Variants in DYNC2H1 observed in about 807,000 individuals in gnomAD.
DYNC2H1 encodes cytoplasmic dynein 2 heavy chain 1.
In DYNC2H1, 410 loss-of-function variants were observed where a neutral mutation model predicts 570.0. The ratio of observed to expected loss-of-function variants is 0.72; its 90% CI spans 0.66 to 0.78. The LOEUF is 0.78. DYNC2H1 is among the 30% of genes least tolerant of loss of function. The pLI, the probability that DYNC2H1 is intolerant of heterozygous loss-of-function variation, is 0.00. For missense variants in DYNC2H1, 4,865 were observed against 5,046.4 expected (o/e 0.96, Z 1.09); for synonymous variants, 1,688 against 1,677.6 (o/e 1.01, Z -0.15).
In DYNC2H1 at chr11:103,125,205, C is replaced by G. The variant is rs995997731; in HGVS notation, c.1767C>G (p.Leu589=). The change falls in exon 12 of 89, where the codon CTC becomes CTG. Residue 589 remains leucine, a synonymous_variant. Transcript: ENST00000375735. ...LVILLREVRQ[L]SALGFVIPAK... ...TTCTTCTGAGAGAAGTTCGTCAGCT[C>G]TCTGCACTTGGCTTTGTTATTCCTG... 6.8e-6 allele frequency: 11 copies of G among 1,613,498 alleles called. No individual in the cohort carries two copies. The highest frequency in any genetic ancestry group is 2.2e-5 in the South Asian group (2 of 91,040).
intron 83 of DYNC2H1, among the ~76,000 whole-genome samples, chr11:103,381,859 A>ACATT (rs1941662186): frequency 6.6e-6 from 1 of 152,264 alleles, no homozygotes; most frequent in Non-Finnish European, 1.5e-5. Flanking sequence ...ATAACTTTTA[A>ACATT]CATTACTTTG....
At chr11:103,242,053 C>G (rs1286500311) in intron 63 of DYNC2H1, among the ~76,000 whole-genome samples, 2 of 151,936 alleles carry the variant, frequency 1.3e-5, no homozygotes, top group African/African-American at 2.4e-5. Flanking sequence ...AGTGTTCCCC[C>G]CTTTTCTCCT....
At chr11:103,304,465 C>T in intron 76 of DYNC2H1, 130 bp from the exon 77 acceptor site, 1 of 1,030,986 alleles carries the variant, frequency 9.7e-7, no homozygotes, top group Non-Finnish European at 1.3e-6. Context: ...TAGTTTGATT[C>T]TTCTTCCAAA....
intron 88 of DYNC2H1, among the ~76,000 whole-genome samples, chr11:103,469,824 A>G (rs889391334): frequency 2.6e-5 from 4 of 152,206 alleles, no homozygotes; most frequent in Non-Finnish European, 5.9e-5. Flanking sequence ...ATTATGAATG[A>G]CACATTTTTG....
chr11:103,174,784 T>G (rs1861726730), intron 36 of DYNC2H1, among the ~76,000 whole-genome samples: 1 of 152,086 alleles, frequency 6.6e-6, no homozygotes, highest in South Asian at 2.1e-4. Context: ...ATGTTAACCT[T>G]CATCACCTGG....
chr11:103,233,830 A>ATATGTGTGTG (rs1555076328), intron 60 of DYNC2H1, among the ~76,000 whole-genome samples: 878 of 75,862 alleles, frequency 0.012, 19 homozygotes, highest in African/African-American at 0.025. Context: ...GCTACACTTT[A>ATATGTGTGTG]TGTGTGTGTG....
rs1223299520 is a variant in DYNC2H1 at position 103,392,122 on chromosome 11, C to T, written c.12157-7541C>T. Among the ~76,000 whole-genome samples, 3 of 152,212 alleles carry T rather than the reference C, an allele frequency of 2.0e-5. No homozygotes were observed. The South Asian group carries it at 6.2e-4, about 32-fold the overall frequency. Reference sequence around the variant, plus strand: ...GGTGGAGTCTACAGAGGCAGGCAGCCCTCCTTGAGCTGCGGTGGACTCCAC... The same window carrying T: ...GGTGGAGTCTACAGAGGCAGGCAGCTCTCCTTGAGCTGCGGTGGACTCCAC... On this transcript the variant is annotated intron_variant, in intron 83 of 88. Transcript: ENST00000375735.
In DYNC2H1 at chr11:103,275,049, G is replaced by T. The variant is rs1292853564; in HGVS notation, c.10696-5299G>T. 6.6e-6 allele frequency among the ~76,000 whole-genome samples: 1 copy of T among 152,020 alleles called. No individual in the cohort carries two copies. Among genetic ancestry groups the T allele is most frequent in the Non-Finnish European group, 1.5e-5 (1 of 68,010 alleles). On this transcript the variant is annotated intron_variant, in intron 70 of 88. Coordinates refer to ENST00000375735, the MANE Select transcript of DYNC2H1 (RefSeq NM_001377.3). This position sits in a 1 kb window ranked among gnomAD's most constrained non-coding sequence, Gnocchi z 4.8. ...GTGGAGGTTGCAGTGATCTGAGATTGCGCCACTGCACTCCAGCCTGGGCGA... is the reference window on the plus strand; with the variant it reads ...GTGGAGGTTGCAGTGATCTGAGATTTCGCCACTGCACTCCAGCCTGGGCGA...
At chr11:103,155,949 C>T (rs756499912) in intron 25 of DYNC2H1, among the ~76,000 whole-genome samples, 1 of 152,100 alleles carries the variant, frequency 6.6e-6, no homozygotes, top group South Asian at 2.1e-4. Context: ...ATGACTGTTG[C>T]AGAAGATAAC....
chr11:103,291,323 A>G (rs1482981612), intron 75 of DYNC2H1, among the ~76,000 whole-genome samples: 1 of 152,156 alleles, frequency 6.6e-6, no homozygotes, highest in East Asian at 1.9e-4. Flanking sequence ...CTGTAATCCC[A>G]GCTACTCAGG....
At chr11:103,468,088 C>T (rs996590857) in intron 87 of DYNC2H1, among the ~76,000 whole-genome samples, 7 of 152,136 alleles carry the variant, frequency 4.6e-5, no homozygotes, top group Non-Finnish European at 8.8e-5. Flanking sequence ...ATATCTACAC[C>T]AAGGTTACCT....
In DYNC2H1 at chr11:103,241,434, A is replaced by T; in HGVS notation, c.9820-2259A>T. On this transcript the variant is annotated intron_variant, in intron 63 of 88. Coordinates refer to ENST00000375735, the MANE Select transcript of DYNC2H1 (RefSeq NM_001377.3). This position sits in a 1 kb window ranked among gnomAD's most constrained non-coding sequence, Gnocchi z 5.1. ...GAGACGTAAAATAAGATGACAACAA[A>T]CTTTTAAGTACCCTTTGAAAAACTT... The T allele has an allele frequency of 1.8e-6, 2 of 1,140,940 alleles. No individual in the cohort carries two copies. The highest frequency in any genetic ancestry group is 1.3e-6 in the Non-Finnish European group (1 of 785,768). 70.7% of individuals were successfully genotyped at this position (1,140,940 alleles called of 1,614,324 possible). A position where few individuals can be genotyped will look rare whatever the true frequency, so the allele number is the denominator to read the frequency against.
rs1383461635 is a variant in DYNC2H1, at chr11:103,151,206, T to C, written c.2947-930T>C. On this transcript the variant is annotated intron_variant, in intron 20 of 88. Coordinates refer to ENST00000375735, the MANE Select transcript of DYNC2H1 (RefSeq NM_001377.3). The surrounding 1 kb of genome is among the most constrained non-coding windows in gnomAD (Gnocchi z 4.6). ...CTCAAACTCCTGGGCTCAAGCAGTG[T>C]TCCTGCTTCAGCCTCCTCAGTAGCT... Among the ~76,000 whole-genome samples, 2 of 152,068 alleles carry C rather than the reference T, an allele frequency of 1.3e-5. No homozygotes were observed. The highest frequency in any genetic ancestry group is 3.9e-4 in the East Asian group (2 of 5,186).
chr11:103,250,924 T>A (rs1004429718), intron 65 of DYNC2H1, among the ~76,000 whole-genome samples: 5 of 152,058 alleles, frequency 3.3e-5, no homozygotes, highest in Non-Finnish European at 7.4e-5. Context: ...TTTTTTGAAT[T>A]CTGTTGAGCC....
At chr11:103,327,813 C>T (rs1001470696) in intron 82 of DYNC2H1, among the ~76,000 whole-genome samples, 1 of 152,132 alleles carries the variant, frequency 6.6e-6, no homozygotes, top group Admixed American at 6.5e-5. Flanking sequence ...AAGCTGTAGC[C>T]TTAGTTTCCC....
intron 44 of DYNC2H1, 99 bp downstream of exon 44, chr11:103,188,747 T>A (rs1862179661): frequency 2.9e-6 from 3 of 1,017,984 alleles, no homozygotes; most frequent in East Asian, 6.2e-5. Context: ...AAATTTAGAA[T>A]ATAAAAATGG....
Position 103,109,540 on chromosome 11 carries a change from C to T in DYNC2H1, c.-35C>T. Reference sequence around the variant, plus strand: ...CTCCGGACTGGTTTCTTCTTCCTTCCCCCTTCCCCCAACTTCCCTCCACCC... The same window carrying T: ...CTCCGGACTGGTTTCTTCTTCCTTCTCCCTTCCCCCAACTTCCCTCCACCC... On this transcript the variant is annotated 5_prime_UTR_variant, in exon 1 of 89. Transcript: ENST00000375735. The T allele has an allele frequency of 1.3e-6, 2 of 1,593,386 alleles. No individual in the cohort carries two copies. The highest frequency in any genetic ancestry group is 1.7e-6 in the Non-Finnish European group (2 of 1,165,606).
chr11:103,112,851 T>C (rs1858179672), intron 1 of DYNC2H1, among the ~76,000 whole-genome samples: 1 of 152,246 alleles, frequency 6.6e-6, no homozygotes, highest in South Asian at 2.1e-4. Context: ...TCTCAGCTAA[T>C]GAACTCATTA....
At chr11:103,140,127 T>C (rs1198961094) in intron 17 of DYNC2H1, among the ~76,000 whole-genome samples, 2 of 152,198 alleles carry the variant, frequency 1.3e-5, no homozygotes, top group Non-Finnish European at 2.9e-5. Context: ...TGAGATGGGT[T>C]TCCTGAATAC....
Sources: gnomAD v4.1 joint callset for allele counts (sites outside exome capture counted in the v4.1 genomes callset) on GRCh38, gnomAD v4.1.1 for gene constraint, Gnocchi (gnomAD v3.1) non-coding constraint, MANE v1.5 for transcripts, NCBI Gene and HGNC (gene_info 2026-07-23, HGNC 2026-07-21) for gene names.